Variants in EPHB1 observed in about 807,000 individuals in gnomAD.
EPHB1 encodes ephrin type-B receptor 1.
A neutral mutation model predicts 94.4 loss-of-function variants in EPHB1; 30 were observed. The observed-to-expected ratio is 0.32, with a 90% CI of 0.24 to 0.43. The LOEUF is 0.43. Ranked by LOEUF, EPHB1 falls within the 20% of genes least tolerant of loss-of-function variation. The pLI, the probability that EPHB1 is intolerant of heterozygous loss-of-function variation, is 1.00. For missense variants in EPHB1, 1,055 were observed against 1,308.3 expected, an observed-to-expected ratio of 0.81 and a Z score of 2.99; for synonymous variants, 522 against 489.1, an observed-to-expected ratio of 1.07 and a Z score of -0.89.
At chr3:135,026,356 T>G (rs1445498749) in intron 3 of EPHB1, among the ~76,000 whole-genome samples, 2 of 144,370 alleles carry the variant, frequency 1.4e-5, no homozygotes, top group African/African-American at 2.6e-5. Flanking sequence ...GGTCTAACGT[T>G]TAAGTCTTTA....
chr3:135,158,500 G>A (rs1559855585), intron 6 of EPHB1, among the ~76,000 whole-genome samples: 1 of 152,212 alleles, frequency 6.6e-6, no homozygotes, highest in South Asian at 2.1e-4. Context: ...GCTGGTCCAT[G>A]AGGGCAGTTT....
intron 1 of EPHB1, among the ~76,000 whole-genome samples, chr3:134,890,794 T>A (rs1373639151): frequency 2.6e-5 from 4 of 152,234 alleles, no homozygotes; most frequent in African/African-American, 9.6e-5. Context: ...TTTTTCTTCT[T>A]AAGTATATTT....
intron 5 of EPHB1, among the ~76,000 whole-genome samples, chr3:135,149,090 C>T (rs760056302): frequency 5.3e-5 from 8 of 152,196 alleles, no homozygotes; most frequent in South Asian, 4.1e-4. Context: ...TTTGGATTTA[C>T]CGGGCACTGC....
chr3:134,938,139 ATTAT>A (rs1330764912), intron 2 of EPHB1, among the ~76,000 whole-genome samples: 11 of 152,054 alleles, frequency 7.2e-5, no homozygotes, highest in African/African-American at 2.7e-4. Context: ...CTCCCTGTGA[ATTAT>A]TTAAAGAGAT....
chr3:134,836,097 G>A (rs1398837254), intron 1 of EPHB1, among the ~76,000 whole-genome samples: 2 of 152,156 alleles, frequency 1.3e-5, no homozygotes, highest in East Asian at 1.9e-4. Flanking sequence ...GGAGAGGATG[G>A]GCCCTCCCTC....
intron 3 of EPHB1, among the ~76,000 whole-genome samples, chr3:135,075,908 A>T (rs1481547284): frequency 6.6e-6 from 1 of 152,168 alleles, no homozygotes; most frequent in Non-Finnish European, 1.5e-5. Context: ...TATTTGAGGC[A>T]GTTGGGGATG....
intron 1 of EPHB1, among the ~76,000 whole-genome samples, chr3:134,908,409 C>A (rs1399478766): frequency 6.6e-6 from 1 of 152,212 alleles, no homozygotes; most frequent in Non-Finnish European, 1.5e-5. Flanking sequence ...TCCAGAGGCC[C>A]TGTGCCCCCA....
Position 135,106,469 on chromosome 3 carries a change from A to G in EPHB1, c.827A>G (p.Lys276Arg). ...ACKACPAGTF[K>R]ASQEAEGCSH... ...CTAGCTTGCCCTGCAGGGACATTCA[A>G]GGCCAGCCAGGAAGCTGAAGGCTGC... Residue 276 changes from lysine (K) to arginine (R), a missense_variant, in exon 4 of 16, where the codon AAG (lysine) becomes AGG (arginine). Coordinates refer to ENST00000398015, the MANE Select transcript of EPHB1 (RefSeq NM_004441.5). 6.2e-7 allele frequency: 1 copy of G among 1,614,000 alleles called. No individual in the cohort carries two copies. The highest frequency in any genetic ancestry group is 1.1e-5 in the South Asian group (1 of 91,076).
chr3:134,931,104 C>T (rs367737894), intron 2 of EPHB1, among the ~76,000 whole-genome samples: 174 of 152,218 alleles, frequency 1.1e-3, no homozygotes, highest in Non-Finnish European at 2.1e-3. Context: ...TTTACTGTAA[C>T]CCAAATGCAC....
At chr3:134,892,078 T>C (rs531763567) in intron 1 of EPHB1, among the ~76,000 whole-genome samples, 166 of 152,374 alleles carry the variant, frequency 1.1e-3, no homozygotes, top group African/African-American at 3.8e-3. Flanking sequence ...AGAAGTACTT[T>C]GCAGTTTTAA....
At chr3:135,068,838 C>G (rs892228484) in intron 3 of EPHB1, among the ~76,000 whole-genome samples, 1 of 150,958 alleles carries the variant, frequency 6.6e-6, no homozygotes, top group African/African-American at 2.4e-5. Context: ...TTAGTAGAGA[C>G]GGGGTTTCAC....
chr3:135,258,772 C>T (rs534068619), intron 15 of EPHB1, among the ~76,000 whole-genome samples: 5 of 152,096 alleles, frequency 3.3e-5, no homozygotes, highest in South Asian at 2.1e-4. Flanking sequence ...AGGAACACAC[C>T]CCTGGAACAA....
At chr3:135,121,368 G>A (rs1022255224) in intron 4 of EPHB1, among the ~76,000 whole-genome samples, 2 of 152,210 alleles carry the variant, frequency 1.3e-5, no homozygotes, top group African/African-American at 2.4e-5. Flanking sequence ...TAAATCAAAC[G>A]AGTAGTTTTG....
intron 3 of EPHB1, among the ~76,000 whole-genome samples, chr3:135,083,469 C>T (rs949310315): frequency 6.6e-6 from 1 of 151,952 alleles, no homozygotes; most frequent in Non-Finnish European, 1.5e-5. Flanking sequence ...GGCTTTGAGA[C>T]ATTTGCCTTA....
At chr3:135,006,849 A>G (rs971504898) in intron 3 of EPHB1, among the ~76,000 whole-genome samples, 5 of 152,086 alleles carry the variant, frequency 3.3e-5, no homozygotes, top group African/African-American at 1.2e-4. Flanking sequence ...ATTGTGCTAG[A>G]TAATGCTCGA....
chr3:134,911,050 C>T (rs953317130), intron 1 of EPHB1, among the ~76,000 whole-genome samples: 3 of 152,248 alleles, frequency 2.0e-5, no homozygotes. Context: ...GGGACAGACT[C>T]AGTGGCTTAA....
chr3:135,035,996 T>TCTAACATAGATAAA (rs1936632799), intron 3 of EPHB1, among the ~76,000 whole-genome samples: 3 of 152,204 alleles, frequency 2.0e-5, no homozygotes, highest in Non-Finnish European at 4.4e-5. Flanking sequence ...TAACATTCAT[T>TCTAACATAGATAAA]TATCTATCTC....
intron 4 of EPHB1, among the ~76,000 whole-genome samples, chr3:135,113,692 G>A (rs1275311317): frequency 6.6e-6 from 1 of 152,144 alleles, no homozygotes; most frequent in Non-Finnish European, 1.5e-5. Flanking sequence ...GCCATTGGTC[G>A]GTCCTTAAGG....
At chr3:134,894,726 G>A (rs577483832) in intron 1 of EPHB1, among the ~76,000 whole-genome samples, 1 of 152,306 alleles carries the variant, frequency 6.6e-6, no homozygotes, top group Admixed American at 6.5e-5. Context: ...ACTTAGTTGG[G>A]TGTTTCATGA....
Sources: gnomAD v4.1 joint callset for allele counts (sites outside exome capture counted in the v4.1 genomes callset) on GRCh38, gnomAD v4.1.1 for gene constraint, MANE v1.5 for transcripts, NCBI Gene and HGNC (gene_info 2026-07-23, HGNC 2026-07-21) for gene names.